The following ECPAS variants were observed in gnomAD, a reference collection of about 807,000 sequenced individuals.
ECPAS encodes Ecm29 proteasome adaptor and scaffold, also known as proteasome adapter and scaffold protein ECM29.
ECPAS carries 70 observed loss-of-function variants against 255.1 expected under a neutral mutation model. That is an observed-to-expected ratio of 0.27 (90% confidence interval 0.23 to 0.33). The LOEUF is 0.33. Among genes scored for constraint, ECPAS ranks in the 10% least tolerant of loss-of-function variants. The probability of loss-of-function intolerance (pLI) is 1.00; values close to 1 mark genes in which losing one functional copy is unlikely to be tolerated. For missense variants in ECPAS, 1,817 were observed against 2,206.4 expected, an observed-to-expected ratio of 0.82 and a Z score of 3.54; for synonymous variants, 784 against 775.0, an observed-to-expected ratio of 1.01 and a Z score of -0.19.
chr9:111,371,699 G>A lies in ECPAS; in HGVS notation c.4659C>T (p.Ser1553=). The stretch of plus-strand genomic sequence containing the variant: ...TTCCGAGATATGGAGGTACTAGAGA[G>A]CTAGTCTGTTTTGCAATTGATGCCA... ...IAMASIAKQT[S]SLVPPYLGMI... The change falls in exon 43 of 50, where the codon AGC becomes AGT. Residue 1553 remains serine (S), a synonymous_variant. Coordinates refer to ENST00000684092, the MANE Select transcript of ECPAS (RefSeq NM_001364929.1). The A allele has an allele frequency of 6.2e-7, 1 of 1,613,832 alleles. No homozygotes were observed. Among genetic ancestry groups the A allele is most frequent in the Non-Finnish European group, 8.5e-7 (1 of 1,179,784 alleles).
intron 23 of ECPAS, among the ~76,000 whole-genome samples, chr9:111,408,895 A>G (rs2098189421): frequency 6.6e-6 from 1 of 152,226 alleles, no homozygotes; most frequent in African/African-American, 2.4e-5. Flanking sequence ...CAAAAGAAGA[A>G]GGAAGAAAGC....
Position 111,361,319 on chromosome 9 carries a change from C to T in ECPAS, c.*711G>A, listed in dbSNP as rs1384375848. On this transcript the variant is annotated 3_prime_UTR_variant, in exon 50 of 50. Coordinates refer to ENST00000684092, the MANE Select transcript of ECPAS (RefSeq NM_001364929.1). ...CCGAAGGAGACTGACTCTGTCCTCT[C>T]CATCTGTAAAGATGCTAAACAATCA... is the stretch of plus-strand genomic sequence containing the variant. The T allele has an allele frequency of 1.3e-5, 2 of 152,158 alleles. No individual in the cohort carries two copies. Among genetic ancestry groups the T allele is most frequent in the East Asian group, 1.9e-4 (1 of 5,196 alleles). The allele number at this position is 152,158 out of a possible 1,614,324, so 9.4% of individuals were successfully genotyped here.
chr9:111,366,578 G>A lies in ECPAS; in HGVS notation c.5163C>T (p.Leu1721=), dbSNP rs2098120579. 1.2e-6 allele frequency: 2 copies of A among 1,613,320 alleles called. No homozygotes were observed. Among genetic ancestry groups the A allele is most frequent in the Admixed American group, 1.7e-5 (1 of 59,916 alleles). Residue 1721 remains leucine, a synonymous_variant, in exon 47 of 50, where the codon CTC becomes CTT. Coordinates refer to ENST00000684092, the MANE Select transcript of ECPAS (RefSeq NM_001364929.1). ...LCKLMCERLK[L]STWKVQLGVL... is the part of the protein sequence containing the mutation. ...CTCCTAGCTGCACTTTCCACGTGCT[G>A]AGTTTTAGCCGTTCACACATCAGTT...
At chr9:111,381,695 A>G (rs1283020776) in intron 35 of ECPAS, among the ~76,000 whole-genome samples, 1 of 152,212 alleles carries the variant, frequency 6.6e-6, no homozygotes, top group Non-Finnish European at 1.5e-5. Flanking sequence ...ATGAATATCT[A>G]AAAGCAAAGG....
intron 25 of ECPAS, 103 bp downstream of exon 25, chr9:111,396,927 A>T: frequency 1.4e-6 from 2 of 1,405,532 alleles, no homozygotes; most frequent in Non-Finnish European, 2.0e-6. Context: ...AAATATTTGA[A>T]AACAGTAATA....
At chr9:111,369,217 A>C in intron 45 of ECPAS, 44 bp from the exon 46 acceptor site, 2 of 1,428,488 alleles carry the variant, frequency 1.4e-6, no homozygotes, top group Non-Finnish European at 1.8e-6. Context: ...TTTCTTCTTC[A>C]AAGTTACAGG....
intron 16 of ECPAS, among the ~76,000 whole-genome samples, chr9:111,419,220 GAATA>G (rs1361881869): frequency 6.6e-6 from 1 of 152,048 alleles, no homozygotes; most frequent in South Asian, 2.1e-4. Flanking sequence ...CTATTCCTCA[GAATA>G]AATGAAGCTT....
intron 7 of ECPAS, among the ~76,000 whole-genome samples, chr9:111,434,652 C>T (rs2098235097): frequency 7.0e-6 from 1 of 143,072 alleles, no homozygotes. Context: ...TGCAGTGGTG[C>T]AATCTTGGCT....
intron 31 of ECPAS, among the ~76,000 whole-genome samples, chr9:111,388,309 T>G (rs1286419216): frequency 6.7e-6 from 1 of 148,702 alleles, no homozygotes; most frequent in Non-Finnish European, 1.5e-5. Flanking sequence ...GTCTCAAGGG[T>G]CTAGGCTTGT....
rs1564536852 is a variant in ECPAS at position 111,425,532 on chromosome 9, G to GA, written c.1137-37dup. 3 of 1,402,902 alleles carry GA rather than the reference G, an allele frequency of 2.1e-6. No individual in the cohort carries two copies. The African/African-American group carries it at 4.3e-5, about 20-fold the overall frequency. 86.9% of individuals were successfully genotyped at this position (1,402,902 alleles called of 1,614,324 possible). On this transcript the variant is annotated intron_variant, in intron 11 of 49. Coordinates refer to ENST00000684092, the MANE Select transcript of ECPAS (RefSeq NM_001364929.1). Reference sequence around the variant, plus strand: ...AACACACATACACAAAGCAAGATAAGAATCTCATGACTACATATCTTTACG... The same window carrying GA: ...AACACACATACACAAAGCAAGATAAGAAATCTCATGACTACATATCTTTACG...
At chr9:111,474,869 A>T (rs572400213) in intron 1 of ECPAS, among the ~76,000 whole-genome samples, 2 of 152,340 alleles carry the variant, frequency 1.3e-5, no homozygotes, top group East Asian at 3.9e-4. Context: ...CAAGATCTCA[A>T]ATCATAAAGG....
intron 2 of ECPAS, among the ~76,000 whole-genome samples, chr9:111,460,927 G>C (rs1219312247): frequency 6.6e-6 from 1 of 152,104 alleles, no homozygotes; most frequent in Non-Finnish European, 1.5e-5. Flanking sequence ...GCTGATCCTA[G>C]AGCCAGGCAC....
intron 3 of ECPAS, among the ~76,000 whole-genome samples, chr9:111,447,018 A>C (rs555655287): frequency 6.6e-6 from 1 of 152,222 alleles, no homozygotes. Flanking sequence ...CTCTTCTGAC[A>C]TTGTAATCTA....
chr9:111,481,277 A>G (rs972479660), intron 1 of ECPAS, among the ~76,000 whole-genome samples: 1 of 152,100 alleles, frequency 6.6e-6, no homozygotes, highest in Non-Finnish European at 1.5e-5. Context: ...CGGGTGGATC[A>G]CAGCAGATCA....
chr9:111,362,964 A>C (rs1192509338), intron 49 of ECPAS, among the ~76,000 whole-genome samples: 1 of 152,194 alleles, frequency 6.6e-6, no homozygotes, highest in Non-Finnish European at 1.5e-5. Context: ...TAGAAAGAGC[A>C]AATACACAAG....
At position 111,478,314 on chromosome 9, in the gene ECPAS, G is replaced by A. The variant is rs964922660; in HGVS notation, c.-82-5314C>T. The stretch of plus-strand genomic sequence containing the variant: ...GAGGCAGAGGTGGGTGGATCACGAG[G>A]TCAGGAGTTCGAGACCAGCCTGGCC... On this transcript the variant is annotated intron_variant, in intron 1 of 49. Coordinates refer to ENST00000684092, the MANE Select transcript of ECPAS (RefSeq NM_001364929.1). Among the ~76,000 whole-genome samples, 11 of 150,354 alleles carry A rather than the reference G, an allele frequency of 7.3e-5. No individual in the cohort carries two copies. The South Asian group carries it at 2.4e-3, about 33-fold the overall frequency.
intron 8 of ECPAS, among the ~76,000 whole-genome samples, chr9:111,432,225 T>C (rs2098231050): frequency 1.3e-5 from 2 of 152,214 alleles, no homozygotes; most frequent in Admixed American, 6.5e-5. Context: ...AATATTGAGA[T>C]AAAAGGATAG....
chr9:111,475,660 T>C (rs977929288), intron 1 of ECPAS, among the ~76,000 whole-genome samples: 6 of 150,780 alleles, frequency 4.0e-5, no homozygotes, highest in African/African-American at 1.2e-4. Flanking sequence ...CACTTGAACC[T>C]GGGAGGCAGA....
chr9:111,462,589 T>A (rs1272574166), intron 2 of ECPAS, among the ~76,000 whole-genome samples: 1 of 152,128 alleles, frequency 6.6e-6, no homozygotes, highest in Admixed American at 6.6e-5. Context: ...ATGTAGTTTT[T>A]AAAAACATAT....
Sources: gnomAD v4.1 joint callset for allele counts (sites outside exome capture counted in the v4.1 genomes callset) on GRCh38, gnomAD v4.1.1 for gene constraint, MANE v1.5 for transcripts, NCBI Gene and HGNC (gene_info 2026-07-23, HGNC 2026-07-21) for gene names.